PTPRD: variants seen among roughly 807,000 people sequenced by gnomAD.
PTPRD encodes receptor-type tyrosine-protein phosphatase delta.
PTPRD carries 34 observed loss-of-function variants against 214.5 expected under a neutral mutation model. That is an observed-to-expected ratio of 0.16 (90% confidence interval 0.12 to 0.21). The LOEUF (loss-of-function observed/expected upper bound fraction) is 0.21, where lower values mean the gene tolerates loss of function less well. Ranked by LOEUF, PTPRD falls within the 10% of genes least tolerant of loss-of-function variation. The probability of loss-of-function intolerance (pLI) is 1.00; values close to 1 mark genes in which losing one functional copy is unlikely to be tolerated. For synonymous variants in PTPRD, 1,128 were observed against 845.7 expected, an observed-to-expected ratio of 1.33 and a Z score of -5.79; for missense variants, 2,545 against 2,398.7, an observed-to-expected ratio of 1.06 and a Z score of -1.27.
intron 4 of PTPRD, among the ~76,000 whole-genome samples, chr9:10,015,670 A>G (rs1162656581): frequency 6.6e-6 from 1 of 152,182 alleles, no homozygotes; most frequent in African/African-American, 2.4e-5. Flanking sequence ...TAATTCTGAT[A>G]TATTACTAAA....
chr9:9,167,932 C>T (rs2099907410), intron 10 of PTPRD, among the ~76,000 whole-genome samples: 1 of 152,100 alleles, frequency 6.6e-6, no homozygotes, highest in African/African-American at 2.4e-5. Flanking sequence ...TAGAAAGCTC[C>T]CTCTCACATG....
intron 39 of PTPRD, among the ~76,000 whole-genome samples, chr9:8,342,816 G>A (rs942745914): frequency 6.6e-6 from 1 of 151,960 alleles, no homozygotes; most frequent in Non-Finnish European, 1.5e-5. Context: ...TGTATCGAAG[G>A]GACATAATAC....
intron 11 of PTPRD, among the ~76,000 whole-genome samples, chr9:8,929,705 G>GTA (rs370800130): frequency 4.6e-5 from 6 of 130,740 alleles, no homozygotes; most frequent in Non-Finnish European, 6.3e-5. Flanking sequence ...ATATATATGT[G>GTA]TATATATATA....
At chr9:9,477,929 T>G (rs1206278120) in intron 8 of PTPRD, among the ~76,000 whole-genome samples, 1 of 152,152 alleles carries the variant, frequency 6.6e-6, no homozygotes, top group East Asian at 1.9e-4. Context: ...AAACTCAGGC[T>G]GGAGATTGAT....
chr9:8,857,486 C>A (rs2097947495), intron 11 of PTPRD, among the ~76,000 whole-genome samples: 1 of 152,148 alleles, frequency 6.6e-6, no homozygotes, highest in South Asian at 2.1e-4. Flanking sequence ...GCAAACTGTG[C>A]GCTCCGGTGC....
At chr9:9,003,406 A>G (rs2099432163) in intron 11 of PTPRD, among the ~76,000 whole-genome samples, 1 of 151,954 alleles carries the variant, frequency 6.6e-6, no homozygotes, top group African/African-American at 2.4e-5. Context: ...CCCAACTATT[A>G]AAATATGCCT....
intron 7 of PTPRD, among the ~76,000 whole-genome samples, chr9:9,684,168 A>C (rs1402912184): frequency 6.6e-6 from 1 of 151,714 alleles, no homozygotes; most frequent in Non-Finnish European, 1.5e-5. Context: ...GCTTGGTTAA[A>C]AAAAAAGACC....
At chr9:9,432,830 T>C (rs1349455232) in intron 8 of PTPRD, among the ~76,000 whole-genome samples, 1 of 152,134 alleles carries the variant, frequency 6.6e-6, no homozygotes, top group Non-Finnish European at 1.5e-5. Flanking sequence ...TCCTGTGGCA[T>C]AACAAAGAAA....
At chr9:9,677,655 G>T (rs1409509331) in intron 7 of PTPRD, among the ~76,000 whole-genome samples, 2 of 151,918 alleles carry the variant, frequency 1.3e-5, no homozygotes, top group East Asian at 3.9e-4. Flanking sequence ...TTGAAAACTG[G>T]CACAAGACAG....
At chr9:8,552,140 G>A (rs1008815479) in intron 14 of PTPRD, among the ~76,000 whole-genome samples, 9 of 151,972 alleles carry the variant, frequency 5.9e-5, no homozygotes, top group Non-Finnish European at 1.3e-4. Flanking sequence ...CTCCTTGCAC[G>A]GTTTCTAACA....
intron 12 of PTPRD, among the ~76,000 whole-genome samples, chr9:8,667,678 A>G (rs2097196979): frequency 6.6e-6 from 1 of 152,164 alleles, no homozygotes; most frequent in African/African-American, 2.4e-5. Context: ...AAAGGTAAAT[A>G]TAAAATATAA....
intron 8 of PTPRD, among the ~76,000 whole-genome samples, chr9:9,516,016 CCCATATG>C (rs1336877873): frequency 6.6e-6 from 1 of 152,042 alleles, no homozygotes; most frequent in Non-Finnish European, 1.5e-5. Flanking sequence ...TTTATTTGTA[CCCATATG>C]CAAGCATTCA....
chr9:9,121,897 C>A (rs1375957225), intron 10 of PTPRD, among the ~76,000 whole-genome samples: 1 of 152,066 alleles, frequency 6.6e-6, no homozygotes, highest in Non-Finnish European at 1.5e-5. Flanking sequence ...ATGTTCTGAA[C>A]AATATTATTC....
intron 3 of PTPRD, among the ~76,000 whole-genome samples, chr9:10,320,384 T>C (rs2096532016): frequency 2.0e-5 from 3 of 152,172 alleles, no homozygotes; most frequent in African/African-American, 7.2e-5. Context: ...AATATATGGA[T>C]TGATAATTTA....
chr9:8,330,478 G>A lies in PTPRD; in HGVS notation c.5534+1104C>T, dbSNP rs540154364. On this transcript the variant is annotated intron_variant, in intron 44 of 45. Coordinates refer to ENST00000381196, the MANE Select transcript of PTPRD (RefSeq NM_002839.4). ...TAATCTGGAACTAAACTCCCATAAC[G>A]TCTCTGAGGTATGCCTGTATTTGAT... Among the ~76,000 whole-genome samples, 4 of 152,254 alleles carry A rather than the reference G, an allele frequency of 2.6e-5. No individual in the cohort carries two copies. The East Asian group carries it at 5.8e-4, about 22-fold the overall frequency.
intron 4 of PTPRD, among the ~76,000 whole-genome samples, chr9:9,987,645 C>G (rs1165863501): frequency 1.3e-5 from 2 of 151,952 alleles, no homozygotes; most frequent in Non-Finnish European, 2.9e-5. Context: ...AGTAATTATA[C>G]CTATCACTTC....
At chr9:9,419,757 C>A (rs2078108892) in intron 8 of PTPRD, among the ~76,000 whole-genome samples, 1 of 151,446 alleles carries the variant, frequency 6.6e-6, no homozygotes, top group Non-Finnish European at 1.5e-5. Flanking sequence ...TCATTAACAG[C>A]AAGAAATTCA....
At chr9:9,951,162 G>C (rs971023239) in intron 4 of PTPRD, among the ~76,000 whole-genome samples, 37 of 152,228 alleles carry the variant, frequency 2.4e-4, no homozygotes, top group Admixed American at 1.3e-3. Context: ...AATGTTTCAG[G>C]GACAATGGAA....
At chr9:9,995,646 C>T (rs2154084428) in intron 4 of PTPRD, among the ~76,000 whole-genome samples, 1 of 152,198 alleles carries the variant, frequency 6.6e-6, no homozygotes, top group African/African-American at 2.4e-5. Context: ...TGCTCTTAGG[C>T]CTTAGAAGTA....
Sources: allele counts gnomAD v4.1 joint callset (sites outside exome capture counted in the v4.1 genomes callset), GRCh38; gene constraint gnomAD v4.1.1; transcripts MANE v1.5; gene names NCBI Gene and HGNC (gene_info 2026-07-23, HGNC 2026-07-21).